The following RBPJ variants were observed in gnomAD, a reference collection of about 807,000 sequenced individuals.
RBPJ encodes the protein recombination signal binding protein for immunoglobulin kappa J region, also known as recombining binding protein suppressor of hairless.
In RBPJ, 9 loss-of-function variants were observed where a neutral mutation model predicts 67.8. The observed-to-expected ratio is 0.13, with a 90% CI of 0.08 to 0.23. The LOEUF is 0.23. Among genes scored for constraint, RBPJ ranks in the 10% least tolerant of loss-of-function variants. The pLI, the probability that RBPJ is intolerant of heterozygous loss-of-function variation, is 1.00. For synonymous variants in RBPJ, 198 were observed against 203.3 expected (o/e 0.97, Z 0.22); for missense variants, 305 against 595.6 (o/e 0.51, Z 5.08).
At chr4:26,209,801 T>C (rs111790250) in intron 1 of RBPJ, among the ~76,000 whole-genome samples, 40 of 3,388 alleles carry the variant, frequency 0.012, 6 homozygotes, top group African/African-American at 0.029. Flanking sequence ...CTTCCCTCTC[T>C]CCCTCCCTTC....
chr4:26,214,380 A>C (rs1718546427), intron 1 of RBPJ, among the ~76,000 whole-genome samples: 1 of 132,776 alleles, frequency 7.5e-6, no homozygotes, highest in African/African-American at 2.8e-5. Context: ...AAGGAGAGAG[A>C]AAGAAGGGGA....
In RBPJ at chr4:26,433,735, T is replaced by C. The variant is rs1306948111; in HGVS notation, c.*2728T>C. The C allele has an allele frequency of 2.0e-5, 3 of 152,330 alleles. No homozygotes were observed. The highest frequency in any genetic ancestry group is 7.2e-5 in the African/African-American group (3 of 41,578). 9.4% of individuals were successfully genotyped at this position (152,330 alleles called of 1,614,324 possible). A position where few individuals can be genotyped will look rare whatever the true frequency, so the allele number is the denominator to read the frequency against. ...AGCTTATTGTTTATCAGTAGTTCTTTTGTCAGCTGCTTACATTTTTTCTTT... is the reference window on the plus strand; with the variant it reads ...AGCTTATTGTTTATCAGTAGTTCTTCTGTCAGCTGCTTACATTTTTTCTTT... On this transcript the variant is annotated 3_prime_UTR_variant, in exon 11 of 11. Transcript: ENST00000355476.
At chr4:26,394,201 G>T (rs1006055291) in intron 2 of RBPJ, among the ~76,000 whole-genome samples, 14 of 151,944 alleles carry the variant, frequency 9.2e-5, no homozygotes, top group African/African-American at 2.4e-4. Flanking sequence ...TAATTTTTTT[G>T]TATTTTTAGT....
At chr4:26,191,202 T>TAGAG (rs1553847212) in intron 1 of RBPJ, among the ~76,000 whole-genome samples, 29 of 32,192 alleles carry the variant, frequency 9.0e-4, no homozygotes, top group South Asian at 2.8e-3. Context: ...TATATATATA[T>TAGAG]ATATATATAG....
the RBPJ span, among the ~76,000 whole-genome samples, chr4:26,133,678 T>C: frequency 0.51 from 76,906 of 151,936 alleles, 19,514 homozygotes; most frequent in East Asian, 0.6. Context: ...TGTGAAGTCT[T>C]TGTGAGAATC....
intron 1 of RBPJ, among the ~76,000 whole-genome samples, chr4:26,245,026 C>T (rs1719880175): frequency 1.3e-5 from 2 of 151,096 alleles, no homozygotes; most frequent in African/African-American, 4.9e-5. Flanking sequence ...AATTTACATA[C>T]CATAAGAATC....
At chr4:26,200,383 TCATGGC>T (rs759483439) in intron 1 of RBPJ, among the ~76,000 whole-genome samples, 10 of 152,116 alleles carry the variant, frequency 6.6e-5, no homozygotes, top group Non-Finnish European at 1.3e-4. Flanking sequence ...ACCCAAGCAA[TCATGGC>T]CAGATACGGT....
chr4:26,129,800 G>A, the RBPJ span, among the ~76,000 whole-genome samples: 5 of 152,084 alleles, frequency 3.3e-5, no homozygotes. Flanking sequence ...TAGGATGGAG[G>A]TGGACATCAC....
At chr4:26,175,177 T>C (rs1258824084) in intron 1 of RBPJ, among the ~76,000 whole-genome samples, 1 of 152,200 alleles carries the variant, frequency 6.6e-6, no homozygotes, top group East Asian at 1.9e-4. Flanking sequence ...CACGCTTTCT[T>C]GGCCCCAGTT....
At chr4:26,373,550 C>T (rs1000396944) in intron 1 of RBPJ, among the ~76,000 whole-genome samples, 1 of 152,198 alleles carries the variant, frequency 6.6e-6, no homozygotes, top group African/African-American at 2.4e-5. Context: ...TTGATGGAGG[C>T]TGGACTGGTA....
chr4:26,200,043 C>T (rs1717926807), intron 1 of RBPJ, among the ~76,000 whole-genome samples: 1 of 152,172 alleles, frequency 6.6e-6, no homozygotes, highest in Admixed American at 6.5e-5. Flanking sequence ...TTGAGTTCTG[C>T]CAGTTCTCAT....
intron 1 of RBPJ, among the ~76,000 whole-genome samples, chr4:26,349,391 T>C (rs1726564419): frequency 6.6e-6 from 1 of 152,238 alleles, no homozygotes; most frequent in Non-Finnish European, 1.5e-5. Flanking sequence ...ATGTAGCTTT[T>C]AGTGAGAACA....
At chr4:26,212,022 G>A (rs997784030) in intron 1 of RBPJ, among the ~76,000 whole-genome samples, 2 of 152,120 alleles carry the variant, frequency 1.3e-5, no homozygotes, top group Admixed American at 6.6e-5. Context: ...GGGGAAGTGT[G>A]GGAACAGAGC....
rs150205266 is a variant in RBPJ at position 26,347,747 on chromosome 4, G to A, written c.20+26699G>A. The stretch of plus-strand genomic sequence containing the variant: ...ATGCTTATTGGAAGGAACACACGAA[G>A]AGGGAAGAGATGAAACTTTTATTGT... On this transcript the variant is annotated intron_variant, in intron 1 of 10. Transcript: ENST00000355476. Among the ~76,000 whole-genome samples the A allele has an allele frequency of 2.0e-5, 3 of 152,268 alleles. No homozygotes were observed. The East Asian group carries it at 5.8e-4, about 29-fold the overall frequency.
intron 1 of RBPJ, among the ~76,000 whole-genome samples, chr4:26,357,876 A>G (rs1190307974): frequency 6.6e-6 from 1 of 152,146 alleles, no homozygotes; most frequent in East Asian, 1.9e-4. Flanking sequence ...TTCAAGGTTC[A>G]TCCATGTAGC....
chr4:26,273,145 C>T (rs1720967887), intron 1 of RBPJ, among the ~76,000 whole-genome samples: 2 of 152,166 alleles, frequency 1.3e-5, no homozygotes, highest in Admixed American at 6.5e-5. Context: ...TGCTGTCTCC[C>T]ACTTCCCTTC....
At chr4:26,263,578 G>T (rs1260710207) in intron 1 of RBPJ, among the ~76,000 whole-genome samples, 2 of 152,022 alleles carry the variant, frequency 1.3e-5, no homozygotes, top group Non-Finnish European at 2.9e-5. Flanking sequence ...ATGTTTTTTG[G>T]TTGTTGTTTT....
At chr4:26,228,836 G>A (rs551402436) in intron 1 of RBPJ, among the ~76,000 whole-genome samples, 1 of 152,294 alleles carries the variant, frequency 6.6e-6, no homozygotes, top group South Asian at 2.1e-4. Flanking sequence ...ACAGAACTTG[G>A]ACCTGCAGAG....
the RBPJ span, among the ~76,000 whole-genome samples, chr4:26,150,377 C>A: frequency 6.6e-6 from 1 of 152,214 alleles, no homozygotes; most frequent in South Asian, 2.1e-4. Flanking sequence ...GGCTGGAAAC[C>A]AGGCCTTTTC....
Sources: gnomAD v4.1 joint callset for allele counts (sites outside exome capture counted in the v4.1 genomes callset) on GRCh38, gnomAD v4.1.1 for gene constraint, MANE v1.5 for transcripts, NCBI Gene and HGNC (gene_info 2026-07-23, HGNC 2026-07-21) for gene names.